TBC1D30: variants seen among roughly 807,000 people sequenced by gnomAD.
TBC1D30 encodes the protein TBC1 domain family, member 30.
TBC1D30 carries 31 observed loss-of-function variants against 63.2 expected under a neutral mutation model. That is an observed-to-expected ratio of 0.49 (90% CI 0.37 to 0.66). The LOEUF is 0.66. TBC1D30 is among the 30% of genes least tolerant of loss of function. TBC1D30 has a pLI of 0.00. For synonymous variants in TBC1D30, 307 were observed against 361.5 expected (o/e 0.85, Z 1.71); for missense variants, 810 against 953.6 (o/e 0.85, Z 1.98).
chr12:64,760,794 G>A (rs1017642618), intron 1 of TBC1D30, among the ~76,000 whole-genome samples: 8 of 149,692 alleles, frequency 5.3e-5, no homozygotes, highest in South Asian at 2.1e-4. Context: ...ATGGAAACAC[G>A]TTGAAACCTG....
intron 8 of TBC1D30, among the ~76,000 whole-genome samples, chr12:64,861,838 T>A (rs1877817153): frequency 6.6e-6 from 1 of 152,196 alleles, no homozygotes. Flanking sequence ...TGGTGGGAGA[T>A]CTTATGTACT....
intron 2 of TBC1D30, among the ~76,000 whole-genome samples, chr12:64,798,266 ATAG>A (rs1872395082): frequency 6.6e-6 from 1 of 152,248 alleles, no homozygotes; most frequent in Non-Finnish European, 1.5e-5. Flanking sequence ...TTACAGTATA[ATAG>A]TTCTAATGGA....
chr12:64,870,937 A>G, intron 11 of TBC1D30, 129 bp downstream of exon 11: 1 of 826,608 alleles, frequency 1.2e-6, no homozygotes. Context: ...CTGGCATGAC[A>G]TAATAGCATA....
rs187033616 is a variant in TBC1D30, at chr12:64,805,311, A to G, written c.643+19266A>G. Reference sequence around the variant, plus strand: ...AAAAAGACACAGGCTTTATGGCGCTAAACAGTCTTTATGTATCCATGTTAA... The same window carrying G: ...AAAAAGACACAGGCTTTATGGCGCTGAACAGTCTTTATGTATCCATGTTAA... On this transcript the variant is annotated intron_variant, in intron 2 of 12. Coordinates refer to the TBC1D30 transcript ENST00000542120. Among the ~76,000 whole-genome samples, 307 of 152,336 alleles carry G rather than the reference A, an allele frequency of 2.0e-3. 4 individuals are homozygous for G. The highest frequency in any genetic ancestry group is 0.018 in the Admixed American group (279 of 15,308).
intron 7 of TBC1D30, 138 bp from the exon 8 acceptor site, chr12:64,843,242 G>T (rs1030063192): frequency 5.8e-6 from 4 of 686,442 alleles, no homozygotes; most frequent in Non-Finnish European, 9.5e-6. Context: ...CAATCCTCCC[G>T]CCCCAGCCTC....
exon 2 of TBC1D30, chr12:64,785,982 C>T: frequency 7.8e-7 from 1 of 1,289,844 alleles, no homozygotes; most frequent in Non-Finnish European, 1.0e-6. Flanking sequence ...TAGGCTTCTG[C>T]ATAAAGTGCA....
At chr12:64,826,248 A>G (rs1214776827) in intron 1 of TBC1D30, among the ~76,000 whole-genome samples, 12 of 152,168 alleles carry the variant, frequency 7.9e-5, no homozygotes, top group Admixed American at 7.9e-4. Flanking sequence ...CAGGCGGCGA[A>G]TCAATTTCAG....
chr12:64,777,824 A>G (rs559807559), upstream of TBC1D30, among the ~76,000 whole-genome samples: 3 of 152,330 alleles, frequency 2.0e-5, no homozygotes, highest in South Asian at 4.1e-4. Flanking sequence ...CAGTGGTGCA[A>G]TCTCAGCTCC....
chr12:64,850,450 A>G (rs1205823525), intron 8 of TBC1D30, among the ~76,000 whole-genome samples: 1 of 152,190 alleles, frequency 6.6e-6, no homozygotes, highest in Non-Finnish European at 1.5e-5. Flanking sequence ...GATACATTCC[A>G]TCAATACCTA....
At chr12:64,868,492 G>T in intron 10 of TBC1D30, 1 of 247,598 alleles carries the variant, frequency 4.0e-6, no homozygotes, top group Non-Finnish European at 7.8e-6. Flanking sequence ...CTAGCCATTT[G>T]AATCTCAGTT....
chr12:64,792,144 G>A (rs927696169), intron 2 of TBC1D30, among the ~76,000 whole-genome samples: 2 of 152,146 alleles, frequency 1.3e-5, no homozygotes, highest in Non-Finnish European at 1.5e-5. Flanking sequence ...ATAAACAAGA[G>A]AATGTAATAC....
chr12:64,832,143 T>A lies in TBC1D30; in HGVS notation c.433T>A (p.Ser145Thr). ...GGACCTTCACCGCACAGGCTGTAGTTCTTACTGTGGCCAGGAGGCTGAGCA... is the reference window on the plus strand; with the variant it reads ...GGACCTTCACCGCACAGGCTGTAGTACTTACTGTGGCCAGGAGGCTGAGCA... ...VKDLHRTGCS[S>T]YCGQEAEQDR... The change falls in exon 5 of 12, where the codon TCT becomes ACT. Residue 145 changes from serine (S) to threonine (T), a missense_variant. Physicochemically the swap from Ser to Thr is moderately conservative, Grantham distance 58. Around this residue, in one of 4 missense-constraint regions of TBC1D30, gnomAD observed 272 missense variants for 335.9 expected, o/e 0.81. Coordinates refer to ENST00000539867, the MANE Select transcript of TBC1D30 (RefSeq NM_015279.2). 2 of 1,536,046 alleles carry A rather than the reference T, an allele frequency of 1.3e-6. No individual in the cohort carries two copies. The highest frequency in any genetic ancestry group is 1.7e-6 in the Non-Finnish European group (2 of 1,146,808).
chr12:64,825,857 G>T (rs1874289056), intron 1 of TBC1D30, among the ~76,000 whole-genome samples: 1 of 152,210 alleles, frequency 6.6e-6, no homozygotes, highest in Non-Finnish European at 1.5e-5. Flanking sequence ...GGCACCGGCT[G>T]CGTTCCAGGC....
intron 10 of TBC1D30, chr12:64,868,478 C>A: frequency 4.2e-6 from 1 of 240,356 alleles, no homozygotes; most frequent in East Asian, 1.4e-4. Context: ...CTTTTCTTGC[C>A]CTCCTAGCCA....
chr12:64,806,591 G>A (rs1028328655), intron 2 of TBC1D30, among the ~76,000 whole-genome samples: 1 of 152,166 alleles, frequency 6.6e-6, no homozygotes, highest in African/African-American at 2.4e-5. Flanking sequence ...ATGTAAAATG[G>A]GGGAGCTGCT....
intron 1 of TBC1D30, among the ~76,000 whole-genome samples, chr12:64,784,254 T>C (rs1169609067): frequency 6.6e-6 from 1 of 152,016 alleles, no homozygotes; most frequent in Non-Finnish European, 1.5e-5. Flanking sequence ...CTAGGCATAA[T>C]TTGAGACTTG....
At position 64,878,035 on chromosome 12, in the gene TBC1D30, CAG is replaced by C. The variant is rs1171235838; in HGVS notation, c.*2248_*2249del. On this transcript the variant is annotated 3_prime_UTR_variant, in exon 12 of 12. Transcript: ENST00000539867. ...TGAACACTCTCCTCTCACCTATTTCCAGGGTTGGTCTTCCTGAGAAGGGGATG... is the reference window on the plus strand; with the variant it reads ...TGAACACTCTCCTCTCACCTATTTCCGGTTGGTCTTCCTGAGAAGGGGATG... 1 of 181,724 alleles carries C rather than the reference CAG, an allele frequency of 5.5e-6. No individual in the cohort carries two copies. The highest frequency in any genetic ancestry group is 2.3e-5 in the African/African-American group (1 of 42,632). The allele number at this position is 181,724 out of a possible 1,614,324, so 11.3% of individuals were successfully genotyped here. A position where few individuals can be genotyped will look rare whatever the true frequency, so the allele number is the denominator to read the frequency against.
At chr12:64,852,327 C>A (rs188007257) in intron 8 of TBC1D30, among the ~76,000 whole-genome samples, 4 of 152,126 alleles carry the variant, frequency 2.6e-5, no homozygotes. Flanking sequence ...TCACAAAGTT[C>A]TTGTGCTGTG....
intron 8 of TBC1D30, among the ~76,000 whole-genome samples, chr12:64,853,052 A>G (rs537626128): frequency 1.3e-5 from 2 of 152,218 alleles, no homozygotes; most frequent in Non-Finnish European, 1.5e-5. Context: ...CAGAGCCAGC[A>G]GGGAGGAACA....
Sources: gnomAD v4.1 joint callset for allele counts (sites outside exome capture counted in the v4.1 genomes callset) on GRCh38, gnomAD v4.1.1 for gene constraint, gnomAD v4.1.1 regional missense constraint, MANE v1.5 for transcripts, NCBI Gene and HGNC (gene_info 2026-07-23, HGNC 2026-07-21) for gene names.